Variants in C2CD2 observed in about 807,000 individuals in gnomAD.
The protein encoded by C2CD2 is C2 domain-containing protein 2.
C2CD2 carries 43 observed loss-of-function variants against 74.3 expected under a neutral mutation model. The observed-to-expected ratio is 0.58, with a 90% CI of 0.45 to 0.75. The LOEUF is 0.75. Among genes scored for constraint, C2CD2 ranks in the 30% least tolerant of loss-of-function variants. C2CD2 has a pLI of 0.00. For synonymous variants in C2CD2, 422 were observed against 390.7 expected, an observed-to-expected ratio of 1.08 and a Z score of -0.94; for missense variants, 801 against 916.3, an observed-to-expected ratio of 0.87 and a Z score of 1.63.
At position 41,899,115 on chromosome 21, in the gene C2CD2, C is replaced by T; in HGVS notation, c.1808G>A (p.Gly603Asp). 1 of 1,614,002 alleles carries T rather than the reference C, an allele frequency of 6.2e-7. No homozygotes were observed. The highest frequency in any genetic ancestry group is 8.5e-7 in the Non-Finnish European group (1 of 1,179,994). The change falls in exon 13 of 14, where the codon GGT (glycine) becomes GAT (aspartate). Residue 603 changes from glycine (G) to aspartate (D), a missense_variant. Coordinates refer to ENST00000380486, the MANE Select transcript of C2CD2 (RefSeq NM_015500.2). This position sits in a 1 kb window ranked among gnomAD's most constrained non-coding sequence, Gnocchi z 4.4. ...WSSQVLLDPDGDELSESSMSV... is the reference protein window; with the variant it reads ...WSSQVLLDPDDDELSESSMSV... The stretch of plus-strand genomic sequence containing the variant: ...CATGGAGCTCTCTGACAGCTCATCA[C>T]CGTCGGGGTCCAGCAGGACCTGGCT...
intron 1 of C2CD2, among the ~76,000 whole-genome samples, chr21:41,944,521 CAAAAA>C (rs369422328): frequency 2.0e-5 from 2 of 97,948 alleles, no homozygotes; most frequent in African/African-American, 3.9e-5. Flanking sequence ...GACTCTGCCT[CAAAAA>C]AAAAAAAAAA....
intron 6 of C2CD2, among the ~76,000 whole-genome samples, chr21:41,912,759 G>A (rs1286816947): frequency 5.3e-5 from 8 of 152,152 alleles, no homozygotes; most frequent in Non-Finnish European, 1.2e-4. Context: ...AAAGTGCTGG[G>A]ATTACAGGCA....
chr21:41,944,538 A>AAAAAG (rs1555906447), intron 1 of C2CD2, among the ~76,000 whole-genome samples: 3,231 of 130,080 alleles, frequency 0.025, 159 homozygotes, highest in African/African-American at 0.07. Flanking sequence ...AAAAAAAAAA[A>AAAAAG]AAAAGAAAAG....
chr21:41,922,560 C>T (rs1172431065), intron 2 of C2CD2, among the ~76,000 whole-genome samples: 2 of 151,956 alleles, frequency 1.3e-5, no homozygotes, highest in Non-Finnish European at 2.9e-5. Context: ...CTGCAACCTC[C>T]GCCTCCCTGG....
intron 10 of C2CD2, among the ~76,000 whole-genome samples, chr21:41,906,601 G>A (rs996563408): frequency 6.6e-6 from 1 of 152,184 alleles, no homozygotes; most frequent in Admixed American, 6.5e-5. Flanking sequence ...CTGACCTCAG[G>A]TGATCTGCCC....
chr21:41,898,631 G>A (rs1291125834), intron 13 of C2CD2, among the ~76,000 whole-genome samples: 1 of 152,174 alleles, frequency 6.6e-6, no homozygotes, highest in African/African-American at 2.4e-5. Flanking sequence ...TTTTGTTTCA[G>A]GTGCAGGGAG....
rs780645048 is a variant in C2CD2 at position 41,925,449 on chromosome 21, G to A, written c.379-3364C>T. Among the ~76,000 whole-genome samples the A allele has an allele frequency of 1.8e-4, 27 of 152,236 alleles. 1 individual carries two copies. The highest frequency in any genetic ancestry group is 2.8e-4 in the Non-Finnish European group (19 of 68,012). On this transcript the variant is annotated intron_variant, in intron 2 of 13. Coordinates refer to ENST00000380486, the MANE Select transcript of C2CD2 (RefSeq NM_015500.2). ...CAGTGAGCCGTGATTGTGCCACTGC[G>A]TTCCAGCAGAAAGAAACATTCTGAA... is the stretch of plus-strand genomic sequence containing the variant.
At chr21:41,890,301 A>C (rs1383761791) in intron 13 of C2CD2, among the ~76,000 whole-genome samples, 3 of 152,224 alleles carry the variant, frequency 2.0e-5, no homozygotes, top group African/African-American at 7.2e-5. Flanking sequence ...GCTTACAGAT[A>C]GATACAGATC....
chr21:41,925,178 G>C (rs2065196768), intron 2 of C2CD2, among the ~76,000 whole-genome samples: 1 of 152,156 alleles, frequency 6.6e-6, no homozygotes, highest in African/African-American at 2.4e-5. Flanking sequence ...AATTTGGCTA[G>C]AAAAGTTAAT....
At chr21:41,935,038 T>TGCA (rs1378556056) in intron 2 of C2CD2, among the ~76,000 whole-genome samples, 5 of 152,270 alleles carry the variant, frequency 3.3e-5, no homozygotes, top group Non-Finnish European at 7.4e-5. Context: ...ATTACAGGCG[T>TGCA]GCACCACCAT....
intron 7 of C2CD2, among the ~76,000 whole-genome samples, chr21:41,910,517 G>A (rs976349801): frequency 2.0e-5 from 3 of 152,138 alleles, no homozygotes; most frequent in Non-Finnish European, 4.4e-5. Context: ...AAGCTGTGAG[G>A]TGGAAAGATG....
At position 41,930,095 on chromosome 21, in the gene C2CD2, G is replaced by A. The variant is rs117580105; in HGVS notation, c.379-8010C>T. ...AGCTGGTGACCAGTGGTGCCTTAGTGGACAGGACTAGATTGTAACAGCCGA... is the reference window on the plus strand; with the variant it reads ...AGCTGGTGACCAGTGGTGCCTTAGTAGACAGGACTAGATTGTAACAGCCGA... On this transcript the variant is annotated intron_variant, in intron 2 of 13. Coordinates refer to ENST00000380486, the MANE Select transcript of C2CD2 (RefSeq NM_015500.2). Among the ~76,000 whole-genome samples, 422 of 134,956 alleles carry A rather than the reference G, an allele frequency of 3.1e-3. 28 individuals carry two copies. The highest frequency in any genetic ancestry group is 4.7e-3 in the Non-Finnish European group (270 of 56,868). The allele number at this position is 134,956 out of a possible 152,430, so 88.5% of individuals were successfully genotyped here.
intron 1 of C2CD2, among the ~76,000 whole-genome samples, chr21:41,950,751 T>G (rs998093636): frequency 6.6e-6 from 1 of 152,208 alleles, no homozygotes; most frequent in Non-Finnish European, 1.5e-5. Context: ...TAGAAGAGTT[T>G]AGGGTTTCTT....
chr21:41,924,479 A>G lies in C2CD2; in HGVS notation c.379-2394T>C, dbSNP rs1330823859. Among the ~76,000 whole-genome samples, 1 of 152,250 alleles carries G rather than the reference A, an allele frequency of 6.6e-6. No homozygotes were observed. The highest frequency in any genetic ancestry group is 2.4e-5 in the African/African-American group (1 of 41,466). On this transcript the variant is annotated intron_variant, in intron 2 of 13. Transcript: ENST00000380486. This position sits in a 1 kb window ranked among gnomAD's most constrained non-coding sequence, Gnocchi z 4.4. ...AGACTGATACACATGAGTTAATTAC[A>G]TATTTCCATCATCTCCAGAGTTCAC...
In C2CD2 at chr21:41,907,005, G is replaced by C; in HGVS notation, c.1305C>G (p.Ser435=). The change falls in exon 10 of 14, where the codon TCC becomes TCG. Residue 435 remains serine (S), a synonymous_variant. Coordinates refer to ENST00000380486, the MANE Select transcript of C2CD2 (RefSeq NM_015500.2). The part of the protein sequence containing the change: ...TKPRVDVGRA[S]PLSSDSPVKT... ...CTGTTGTCTCACCAGAGCTCAGCGGGGACGCCCTCCCCACGTCGACGCGAG... is the reference window on the plus strand; with the variant it reads ...CTGTTGTCTCACCAGAGCTCAGCGGCGACGCCCTCCCCACGTCGACGCGAG... The C allele has an allele frequency of 6.2e-7, 1 of 1,613,714 alleles. No individual in the cohort carries two copies. The highest frequency in any genetic ancestry group is 8.5e-7 in the Non-Finnish European group (1 of 1,179,860).
At chr21:41,905,897 C>A in intron 10 of C2CD2, 60 bp from the exon 11 acceptor site, 1 of 933,786 alleles carries the variant, frequency 1.1e-6, no homozygotes, top group South Asian at 1.3e-5. Flanking sequence ...TCAACAGTTA[C>A]CGAAAAGTGA....
intron 11 of C2CD2, among the ~76,000 whole-genome samples, chr21:41,904,978 T>G (rs1390399033): frequency 6.6e-6 from 1 of 152,202 alleles, no homozygotes; most frequent in African/African-American, 2.4e-5. Flanking sequence ...GAATTTGCAT[T>G]TCCTATTCGT....
Position 41,905,844 on chromosome 21 carries a change from G to A in C2CD2, c.1319-7C>T, listed in dbSNP as rs368366947. On this transcript the variant is annotated splice_polypyrimidine_tract_variant and splice_region_variant and intron_variant, in intron 10 of 13. Transcript: ENST00000380486. ...GGAGTCTTCACCGGAGAATCTGCCA[G>A]AGGAAGATCCTGATTACAAAAGCGG... 6.7e-6 allele frequency: 10 copies of A among 1,489,102 alleles called. No individual in the cohort carries two copies. The highest frequency in any genetic ancestry group is 9.4e-6 in the Non-Finnish European group (10 of 1,066,042). The allele number at this position is 1,489,102 out of a possible 1,614,324, so 92.2% of individuals were successfully genotyped here. A position where few individuals can be genotyped will look rare whatever the true frequency, so the allele number is the denominator to read the frequency against.
At position 41,909,053 on chromosome 21, in the gene C2CD2, C is replaced by G. The variant is rs974238060; in HGVS notation, c.1018+406G>C. On this transcript the variant is annotated intron_variant, in intron 8 of 13. Transcript: ENST00000380486. Reference sequence around the variant, plus strand: ...ACAACCGTGTGAATGTACTTACTGCCCCTGAACTATGTACTTAGAAATGGT... The same window carrying G: ...ACAACCGTGTGAATGTACTTACTGCGCCTGAACTATGTACTTAGAAATGGT... 2.6e-5 allele frequency among the ~76,000 whole-genome samples: 4 copies of G among 152,072 alleles called. No individual in the cohort carries two copies. In the South Asian group the frequency reaches 8.3e-4, roughly 32 times the overall value.
Sources: gnomAD v4.1 joint callset for allele counts (sites outside exome capture counted in the v4.1 genomes callset) on GRCh38, gnomAD v4.1.1 for gene constraint, Gnocchi (gnomAD v3.1) non-coding constraint, MANE v1.5 for transcripts, NCBI Gene and HGNC (gene_info 2026-07-23, HGNC 2026-07-21) for gene names.